SLC10A7: variants seen among roughly 807,000 people sequenced by gnomAD.
SLC10A7 encodes solute carrier family 10 member 7.
A neutral mutation model predicts 43.2 loss-of-function variants in SLC10A7; 29 were observed. The observed-to-expected ratio is 0.67, with a 90% CI of 0.50 to 0.92. SLC10A7 has a LOEUF of 0.92. SLC10A7 is among the 40% of genes least tolerant of loss of function. The probability of loss-of-function intolerance (pLI) is 0.00; values close to 1 mark genes in which losing one functional copy is unlikely to be tolerated. For missense variants in SLC10A7, 295 were observed against 403.2 expected, an observed-to-expected ratio of 0.73 and a Z score of 2.30; for synonymous variants, 152 against 144.8, an observed-to-expected ratio of 1.05 and a Z score of -0.35.
intron 10 of SLC10A7, among the ~76,000 whole-genome samples, chr4:146,266,756 C>T (rs1051951095): frequency 6.6e-6 from 1 of 152,066 alleles, no homozygotes; most frequent in Non-Finnish European, 1.5e-5. Flanking sequence ...AGAAGCTTGG[C>T]GCAGAAGCTG....
intron 4 of SLC10A7, among the ~76,000 whole-genome samples, chr4:146,445,519 A>G (rs2149897784): frequency 6.6e-6 from 1 of 152,276 alleles, no homozygotes; most frequent in East Asian, 1.9e-4. Flanking sequence ...TCGAAGCCCA[A>G]GAAGACGTGT....
At chr4:146,274,371 T>G (rs1374041324) in intron 10 of SLC10A7, among the ~76,000 whole-genome samples, 1 of 151,888 alleles carries the variant, frequency 6.6e-6, no homozygotes, top group Middle Eastern at 3.2e-3. Flanking sequence ...GCCTGGCTAG[T>G]TTTTGTATTT....
At chr4:146,360,745 C>T (rs1735988168) in intron 5 of SLC10A7, among the ~76,000 whole-genome samples, 1 of 152,156 alleles carries the variant, frequency 6.6e-6, no homozygotes. Context: ...GCATGAGCCA[C>T]CATGCCCAGC....
At chr4:146,420,142 C>A (rs951117556) in intron 5 of SLC10A7, among the ~76,000 whole-genome samples, 3 of 152,148 alleles carry the variant, frequency 2.0e-5, no homozygotes, top group African/African-American at 7.2e-5. Context: ...AAAAGACTGT[C>A]TATTCACTTA....
At chr4:146,470,375 C>CATATAAATGTACATAT (rs1560940091) in intron 4 of SLC10A7, among the ~76,000 whole-genome samples, 3 of 150,950 alleles carry the variant, frequency 2.0e-5, no homozygotes, top group African/African-American at 4.9e-5. Context: ...AATGTACATA[C>CATATAAATGTACATAT]GTATATATAC....
intron 5 of SLC10A7, among the ~76,000 whole-genome samples, chr4:146,332,664 C>T (rs1733616538): frequency 6.6e-6 from 1 of 152,154 alleles, no homozygotes; most frequent in Admixed American, 6.6e-5. Flanking sequence ...CCTGCAGAAC[C>T]ATAAGCCAAT....
chr4:146,399,643 G>A (rs1425018960), intron 5 of SLC10A7, among the ~76,000 whole-genome samples: 3 of 152,096 alleles, frequency 2.0e-5, no homozygotes, highest in Non-Finnish European at 4.4e-5. Flanking sequence ...AAATAGATCC[G>A]ATAGCATTTT....
At chr4:146,370,372 G>A (rs1355688842) in intron 5 of SLC10A7, among the ~76,000 whole-genome samples, 1 of 152,082 alleles carries the variant, frequency 6.6e-6, no homozygotes, top group Non-Finnish European at 1.5e-5. Flanking sequence ...AAAGTCCTTG[G>A]ATAGAAACCA....
chr4:146,453,025 G>A (rs1339539655), intron 4 of SLC10A7, among the ~76,000 whole-genome samples: 1 of 101,640 alleles, frequency 9.8e-6, no homozygotes, highest in Non-Finnish European at 1.9e-5. Context: ...TATATACAAT[G>A]TGTGTGTGTG....
At chr4:146,383,349 G>T (rs938309599) in intron 5 of SLC10A7, among the ~76,000 whole-genome samples, 1 of 152,060 alleles carries the variant, frequency 6.6e-6, no homozygotes, top group African/African-American at 2.4e-5. Context: ...GGAAAACCGC[G>T]GCTTTCTAAG....
intron 5 of SLC10A7, among the ~76,000 whole-genome samples, chr4:146,380,292 G>T (rs1047306629): frequency 3.3e-5 from 5 of 151,938 alleles, no homozygotes; most frequent in Admixed American, 6.6e-5. Flanking sequence ...AGGCACATAG[G>T]TTGCCTAAAT....
At chr4:146,515,624 A>G (rs1437653490) in intron 2 of SLC10A7, among the ~76,000 whole-genome samples, 1 of 152,098 alleles carries the variant, frequency 6.6e-6, no homozygotes, top group African/African-American at 2.4e-5. Flanking sequence ...AAATACCCCA[A>G]TGAGGCCGGG....
rs538003598 is a variant in SLC10A7, at chr4:146,351,138, A to T, written c.436-25142T>A. Among the ~76,000 whole-genome samples, 31 of 151,190 alleles carry T rather than the reference A, an allele frequency of 2.1e-4. No homozygotes were observed. In the East Asian group the frequency reaches 6.0e-3, roughly 29 times the overall value. On this transcript the variant is annotated intron_variant, in intron 5 of 11. Coordinates refer to ENST00000335472, the MANE Select transcript of SLC10A7 (RefSeq NM_001029998.6). ...CAAAGAAGTTGAAAACTTTGAAAAA[A>T]ATTTAGAAGAATGTATAACTAGAAT...
At chr4:146,403,136 GT>G (rs1441568758) in intron 5 of SLC10A7, among the ~76,000 whole-genome samples, 1 of 152,170 alleles carries the variant, frequency 6.6e-6, no homozygotes, top group Admixed American at 6.5e-5. Flanking sequence ...TATTGTAGTA[GT>G]CTTTGTTATA....
chr4:146,461,628 G>T (rs1732537481), intron 4 of SLC10A7, among the ~76,000 whole-genome samples: 1 of 151,862 alleles, frequency 6.6e-6, no homozygotes, highest in Non-Finnish European at 1.5e-5. Context: ...CTCCAGCTTT[G>T]GTTGGCTTAC....
intron 7 of SLC10A7, among the ~76,000 whole-genome samples, chr4:146,296,985 A>G (rs1466568411): frequency 3.3e-5 from 5 of 152,208 alleles, no homozygotes; most frequent in Non-Finnish European, 5.9e-5. Flanking sequence ...TAATAACCTT[A>G]TATGAAACAA....
At chr4:146,468,492 T>C (rs1383315438) in intron 4 of SLC10A7, among the ~76,000 whole-genome samples, 5 of 142,864 alleles carry the variant, frequency 3.5e-5, no homozygotes, top group South Asian at 2.2e-4. Context: ...TTTTTTGAGA[T>C]GGAGTCTCGC....
intron 3 of SLC10A7, among the ~76,000 whole-genome samples, chr4:146,507,079 T>C (rs1736981110): frequency 6.6e-6 from 1 of 152,240 alleles, no homozygotes; most frequent in South Asian, 2.1e-4. Flanking sequence ...TCTTGGCAAT[T>C]TTCTAGTATA....
intron 5 of SLC10A7, among the ~76,000 whole-genome samples, chr4:146,404,079 G>T (rs1739404434): frequency 6.6e-6 from 1 of 152,046 alleles, no homozygotes; most frequent in African/African-American, 2.4e-5. Context: ...TGTCTCCCAG[G>T]CTAGAGTGCA....
Sources: gnomAD v4.1 joint callset for allele counts (sites outside exome capture counted in the v4.1 genomes callset) on GRCh38, gnomAD v4.1.1 for gene constraint, MANE v1.5 for transcripts, NCBI Gene and HGNC (gene_info 2026-07-23, HGNC 2026-07-21) for gene names.